The following DLG2 variants were observed in gnomAD, a reference collection of about 807,000 sequenced individuals.
The protein encoded by DLG2 is disks large homolog 2.
Under a neutral mutation model 132.5 loss-of-function variants are expected in DLG2, and 45 were observed. The observed-to-expected ratio is 0.34, with a 90% confidence interval of 0.27 to 0.44. The LOEUF is 0.44. DLG2 is among the 20% of genes least tolerant of loss of function. The probability of loss-of-function intolerance (pLI) is 1.00; values close to 1 mark genes in which losing one functional copy is unlikely to be tolerated. For missense variants in DLG2, 1,045 were observed against 1,196.9 expected (o/e 0.87, Z 1.87); for synonymous variants, 424 against 419.6 (o/e 1.01, Z -0.13).
intron 8 of DLG2, among the ~76,000 whole-genome samples, chr11:84,187,411 T>C (rs1005654731): frequency 3.9e-5 from 6 of 152,020 alleles, no homozygotes; most frequent in African/African-American, 1.4e-4. Flanking sequence ...CTTATAAAGA[T>C]TCAGAGGTAG....
chr11:83,764,947 A>G (rs2094079055), intron 18 of DLG2, among the ~76,000 whole-genome samples: 1 of 152,204 alleles, frequency 6.6e-6, no homozygotes, highest in African/African-American at 2.4e-5. Flanking sequence ...AGGTGTGGTC[A>G]GGCAGAGATG....
intron 6 of DLG2, among the ~76,000 whole-genome samples, chr11:84,652,077 A>G (rs1174112874): frequency 1.3e-5 from 2 of 152,190 alleles, no homozygotes; most frequent in Non-Finnish European, 2.9e-5. Context: ...TAGCCAGATG[A>G]TTATGAAAGA....
At chr11:84,051,334 T>G (rs998556276) in intron 11 of DLG2, among the ~76,000 whole-genome samples, 2 of 151,976 alleles carry the variant, frequency 1.3e-5, no homozygotes, top group African/African-American at 4.8e-5. Context: ...CGTATGTTTA[T>G]TGTGGCACTA....
chr11:84,194,291 C>G (rs2096471013), intron 8 of DLG2, among the ~76,000 whole-genome samples: 1 of 152,114 alleles, frequency 6.6e-6, no homozygotes. Flanking sequence ...GTTACAGTTC[C>G]TAAAGATGGT....
At chr11:85,562,399 C>T (rs1356001431) in intron 3 of DLG2, among the ~76,000 whole-genome samples, 2 of 151,562 alleles carry the variant, frequency 1.3e-5, no homozygotes, top group African/African-American at 2.4e-5. Flanking sequence ...ATTGACCATT[C>T]GATTTTAGCC....
intron 6 of DLG2, among the ~76,000 whole-genome samples, chr11:85,009,199 G>C (rs530886585): frequency 6.6e-6 from 1 of 152,032 alleles, no homozygotes; most frequent in Non-Finnish European, 1.5e-5. Flanking sequence ...GCTTGTATAA[G>C]ACCTATTAAT....
chr11:84,505,886 G>A (rs1307042146), intron 7 of DLG2, among the ~76,000 whole-genome samples: 1 of 151,854 alleles, frequency 6.6e-6, no homozygotes, highest in Admixed American at 6.6e-5. Flanking sequence ...TAACTTTCTG[G>A]GTTGTAGTAG....
intron 6 of DLG2, among the ~76,000 whole-genome samples, chr11:84,906,381 AACAC>A (rs35833007): frequency 0.017 from 2,391 of 144,142 alleles, 48 homozygotes; most frequent in African/African-American, 0.046. Context: ...CAGCAAGGCT[AACAC>A]ACACACACAC....
chr11:85,601,253 C>T (rs2080134766), intron 2 of DLG2, among the ~76,000 whole-genome samples: 1 of 152,218 alleles, frequency 6.6e-6, no homozygotes, highest in African/African-American at 2.4e-5. Flanking sequence ...AGCAATCCTC[C>T]TGCCTTGACC....
intron 6 of DLG2, among the ~76,000 whole-genome samples, chr11:84,568,969 G>A (rs912702645): frequency 6.6e-6 from 1 of 152,148 alleles, no homozygotes; most frequent in Admixed American, 6.5e-5. Context: ...CTAGCCTGCA[G>A]CCCTGCTCAA....
chr11:84,546,831 C>T (rs768140241), intron 6 of DLG2: 7 of 202,068 alleles, frequency 3.5e-5, no homozygotes, highest in Admixed American at 5.2e-5. Flanking sequence ...TCAGAGACTC[C>T]GACTTAGACA....
intron 7 of DLG2, among the ~76,000 whole-genome samples, chr11:84,255,308 C>G (rs2097450011): frequency 6.6e-6 from 1 of 152,106 alleles, no homozygotes; most frequent in South Asian, 2.1e-4. Context: ...CACTGCCCTG[C>G]CATATACACC....
intron 19 of DLG2, among the ~76,000 whole-genome samples, chr11:83,576,827 GAT>G (rs1023347497): frequency 1.3e-5 from 2 of 152,162 alleles, no homozygotes; most frequent in Non-Finnish European, 2.9e-5. Context: ...TGGAAGTCTG[GAT>G]ATATATAAAG....
intron 7 of DLG2, among the ~76,000 whole-genome samples, chr11:84,378,679 T>C (rs7928824): frequency 0.39 from 58,988 of 151,540 alleles, 16,225 homozygotes; most frequent in African/African-American, 0.79. Context: ...ACCTGTAATC[T>C]CAGCAGTTTG....
chr11:85,556,996 G>A (rs1565681566), intron 3 of DLG2, among the ~76,000 whole-genome samples: 1 of 151,758 alleles, frequency 6.6e-6, no homozygotes, highest in Non-Finnish European at 1.5e-5. Flanking sequence ...AAGAAAATAA[G>A]TCATTATCTC....
intron 7 of DLG2, among the ~76,000 whole-genome samples, chr11:84,517,762 T>C (rs1033760463): frequency 1.3e-5 from 2 of 151,998 alleles, no homozygotes; most frequent in Admixed American, 6.6e-5. Context: ...TGTTCATCAA[T>C]GGATGAACGG....
intron 11 of DLG2, among the ~76,000 whole-genome samples, chr11:83,986,741 T>C (rs2093347736): frequency 6.6e-6 from 1 of 152,158 alleles, no homozygotes; most frequent in Non-Finnish European, 1.5e-5. Flanking sequence ...GACTTTTTAA[T>C]GATCGCCATT....
intron 7 of DLG2, among the ~76,000 whole-genome samples, chr11:84,533,654 G>C (rs17807653): frequency 2.0e-5 from 3 of 151,922 alleles, no homozygotes; most frequent in Non-Finnish European, 4.4e-5. Flanking sequence ...CAGAGAACAC[G>C]GGAGACACTT....
At chr11:84,366,922 G>C (rs889602634) in intron 7 of DLG2, among the ~76,000 whole-genome samples, 1 of 151,890 alleles carries the variant, frequency 6.6e-6, no homozygotes, top group Admixed American at 6.6e-5. Context: ...AAGTCAACAA[G>C]GATACCCAGG....
Sources: gnomAD v4.1 joint callset for allele counts (sites outside exome capture counted in the v4.1 genomes callset) on GRCh38, gnomAD v4.1.1 for gene constraint, MANE v1.5 for transcripts, NCBI Gene and HGNC (gene_info 2026-07-23, HGNC 2026-07-21) for gene names.